The following OR9Q1 variants were observed in gnomAD, a reference collection of about 807,000 sequenced individuals.
OR9Q1 encodes the protein olfactory receptor 9Q1.
For synonymous variants in OR9Q1, 153 were observed against 148.6 expected, an observed-to-expected ratio of 1.03 and a Z score of -0.22; for missense variants, 374 against 378.8, an observed-to-expected ratio of 0.99 and a Z score of 0.11.
intron 2 of OR9Q1, among the ~76,000 whole-genome samples, chr11:58,104,157 T>C (rs572092927): frequency 6.6e-6 from 1 of 152,314 alleles, no homozygotes; most frequent in South Asian, 2.1e-4. Context: ...TAAAACACTT[T>C]ACTATCTGAA....
At chr11:58,073,516 G>A (rs575936803) in intron 2 of OR9Q1, 16 of 153,056 alleles carry the variant, frequency 1.0e-4, no homozygotes, top group African/African-American at 2.9e-4. Context: ...TGTACGTTTC[G>A]TTACATTTCT....
chr11:58,063,989 G>A (rs1156276400), intron 2 of OR9Q1, among the ~76,000 whole-genome samples: 1 of 152,208 alleles, frequency 6.6e-6, no homozygotes, highest in Non-Finnish European at 1.5e-5. Flanking sequence ...AATCTTAGAT[G>A]CTGTCATCAG....
At chr11:58,083,606 G>T (rs1334404005) in intron 2 of OR9Q1, among the ~76,000 whole-genome samples, 4 of 149,222 alleles carry the variant, frequency 2.7e-5, no homozygotes, top group Non-Finnish European at 5.9e-5. Flanking sequence ...TTACATTTAA[G>T]TCTTTAATCC....
chr11:58,031,955 G>T, intron 1 of OR9Q1: 1 of 1,099,022 alleles, frequency 9.1e-7, no homozygotes, highest in Non-Finnish European at 1.3e-6. Flanking sequence ...TTAAAAACAG[G>T]TTAGTCAATA....
At chr11:58,158,905 T>C (rs770583214) in intron 2 of OR9Q1, among the ~76,000 whole-genome samples, 2 of 152,102 alleles carry the variant, frequency 1.3e-5, no homozygotes, top group Non-Finnish European at 2.9e-5. Flanking sequence ...AGAAATGAGA[T>C]ATGAGGAAGG....
intron 2 of OR9Q1, among the ~76,000 whole-genome samples, chr11:58,096,967 G>T (rs959521785): frequency 2.6e-5 from 4 of 152,104 alleles, no homozygotes; most frequent in Admixed American, 2.6e-4. Flanking sequence ...GCCTCCCAAA[G>T]TGCTGGGATT....
At chr11:58,145,976 G>C (rs1169238174) in intron 2 of OR9Q1, among the ~76,000 whole-genome samples, 2 of 152,088 alleles carry the variant, frequency 1.3e-5, no homozygotes, top group African/African-American at 4.8e-5. Flanking sequence ...CAACTAAACA[G>C]AAGAAGAAAA....
intron 2 of OR9Q1, among the ~76,000 whole-genome samples, chr11:58,077,173 A>G (rs1050688246): frequency 9.2e-5 from 14 of 152,174 alleles, no homozygotes; most frequent in Non-Finnish European, 2.1e-4. Flanking sequence ...GGCTTGGGAT[A>G]GAGAATAGAT....
At chr11:58,122,375 C>G (rs1051067616) in intron 2 of OR9Q1, among the ~76,000 whole-genome samples, 1 of 152,222 alleles carries the variant, frequency 6.6e-6, no homozygotes, top group African/African-American at 2.4e-5. Context: ...GTTGTCACCT[C>G]TATGACAGGC....
chr11:58,136,169 G>GTATCATA (rs1854187785), intron 2 of OR9Q1, among the ~76,000 whole-genome samples: 2 of 152,156 alleles, frequency 1.3e-5, no homozygotes, highest in Non-Finnish European at 2.9e-5. Context: ...CTAATGTGGG[G>GTATCATA]GAAAGATAAC....
intron 2 of OR9Q1, among the ~76,000 whole-genome samples, chr11:58,150,930 C>A (rs1024741126): frequency 6.6e-6 from 1 of 152,060 alleles, no homozygotes; most frequent in African/African-American, 2.4e-5. Flanking sequence ...CCCCTGAAGA[C>A]CTTCTAGTAA....
In OR9Q1 at chr11:58,180,163, G is replaced by A. The variant is rs763233345; in HGVS notation, c.719G>A (p.Cys240Tyr). Residue 240 changes from cysteine (C) to tyrosine (Y), a missense_variant, in exon 3 of 3, where the codon TGC (cysteine) becomes TAC (tyrosine). Cys to Tyr is a radical substitution (Grantham distance 194). Transcript: ENST00000335397. ...AGSQAKTFST[C>Y]TSHLTAVSLF... ...AGCCAGGCCAAGACCTTCTCCACCT[G>A]CACCTCCCACCTCACTGCTGTGTCA... The A allele has an allele frequency of 1.2e-6, 2 of 1,613,816 alleles. No homozygotes were observed. The highest frequency in any genetic ancestry group is 1.7e-6 in the Non-Finnish European group (2 of 1,179,928).
intron 2 of OR9Q1, among the ~76,000 whole-genome samples, chr11:58,141,920 A>G (rs1450136221): frequency 1.3e-5 from 2 of 152,192 alleles, no homozygotes; most frequent in African/African-American, 2.4e-5. Context: ...CTTCTGAACA[A>G]TGTTGCCTGG....
intron 2 of OR9Q1, among the ~76,000 whole-genome samples, chr11:58,065,128 T>A (rs918874803): frequency 9.2e-5 from 14 of 151,374 alleles, no homozygotes; most frequent in Admixed American, 7.2e-4. Flanking sequence ...GGCTATGGAG[T>A]GGACGGGACA....
At chr11:58,118,020 C>G (rs957900224) in intron 2 of OR9Q1, 1 of 152,726 alleles carries the variant, frequency 6.5e-6, no homozygotes, top group Non-Finnish European at 1.5e-5. Flanking sequence ...TTATACAATA[C>G]TCCCTGCTTA....
intron 2 of OR9Q1, among the ~76,000 whole-genome samples, chr11:58,123,371 G>A (rs1346287130): frequency 1.3e-5 from 2 of 152,158 alleles, no homozygotes; most frequent in African/African-American, 4.8e-5. Flanking sequence ...TTCTGAAATT[G>A]TTGTAGGTCA....
chr11:58,076,292 A>G (rs576506427), intron 2 of OR9Q1, among the ~76,000 whole-genome samples: 1 of 152,198 alleles, frequency 6.6e-6, no homozygotes, highest in Non-Finnish European at 1.5e-5. Context: ...ATGGTCTTTC[A>G]TGACTGAAAT....
chr11:58,101,803 A>G (rs1050171294), intron 2 of OR9Q1, among the ~76,000 whole-genome samples: 2 of 152,078 alleles, frequency 1.3e-5, no homozygotes, highest in Non-Finnish European at 2.9e-5. Context: ...CTGGAGTGCA[A>G]TGGCACAATC....
intron 2 of OR9Q1, chr11:58,119,572 T>C: frequency 1.6e-6 from 1 of 635,258 alleles, no homozygotes; most frequent in Non-Finnish European, 2.6e-6. Flanking sequence ...GTAGAGTTTG[T>C]TTTTAAGAAA....
Sources: allele counts gnomAD v4.1 joint callset (sites outside exome capture counted in the v4.1 genomes callset), GRCh38; gene constraint gnomAD v4.1.1; transcripts MANE v1.5; gene names NCBI Gene and HGNC (gene_info 2026-07-23, HGNC 2026-07-21).